RASAL2: variants seen among roughly 807,000 people sequenced by gnomAD.
The protein encoded by RASAL2 is ras GTPase-activating protein nGAP.
A neutral mutation model predicts 128.9 loss-of-function variants in RASAL2; 58 were observed. The observed-to-expected ratio is 0.45, with a 90% confidence interval of 0.36 to 0.56. The LOEUF is 0.56. RASAL2 is among the 20% of genes least tolerant of loss of function. The probability of loss-of-function intolerance (pLI) is 0.00; values close to 1 mark genes in which losing one functional copy is unlikely to be tolerated. For synonymous variants in RASAL2, 561 were observed against 580.8 expected, an observed-to-expected ratio of 0.97 and a Z score of 0.49; for missense variants, 1,360 against 1,601.6, an observed-to-expected ratio of 0.85 and a Z score of 2.57.
intron 1 of RASAL2, among the ~76,000 whole-genome samples, chr1:178,228,234 T>C (rs1663863805): frequency 6.6e-6 from 1 of 152,198 alleles, no homozygotes; most frequent in African/African-American, 2.4e-5. Context: ...TTGTTTCTGT[T>C]ATTTAATATT....
chr1:178,215,271 G>A (rs1391365789), intron 1 of RASAL2, among the ~76,000 whole-genome samples: 1 of 152,200 alleles, frequency 6.6e-6, no homozygotes, highest in Non-Finnish European at 1.5e-5. Context: ...ATTAGCAGTG[G>A]CCATGTGTCT....
intron 1 of RASAL2, among the ~76,000 whole-genome samples, chr1:178,156,150 A>C (rs532594084): frequency 6.6e-6 from 1 of 152,320 alleles, no homozygotes; most frequent in East Asian, 1.9e-4. Flanking sequence ...AAAATGATTC[A>C]ATTTGAAGCA....
chr1:178,431,818 A>G (rs1675924041), intron 5 of RASAL2, among the ~76,000 whole-genome samples: 1 of 150,946 alleles, frequency 6.6e-6, no homozygotes, highest in South Asian at 2.1e-4. Flanking sequence ...CATCCCATTT[A>G]TGTAAATGAA....
chr1:178,457,698 A>G lies in RASAL2; in HGVS notation c.2406A>G (p.Leu802=), dbSNP rs752037278. The change falls in exon 14 of 18, where the codon CTA becomes CTG. Residue 802 remains leucine (L), a synonymous_variant. Transcript: ENST00000367649. ...TTTTCCACAGTGATTTGCATAAACT[A>G]AAATCTCCAAGCCAGGACAACACAG... is the stretch of plus-strand genomic sequence containing the variant. ...EDPTDSDLHK[L]KSPSQDNTDS... is the part of the protein sequence containing the mutation. 4 of 1,613,278 alleles carry G rather than the reference A, an allele frequency of 2.5e-6. No individual in the cohort carries two copies. Among genetic ancestry groups the G allele is most frequent in the South Asian group, 1.1e-5 (1 of 90,968 alleles).
chr1:178,333,186 T>G (rs1571875853), intron 3 of RASAL2, among the ~76,000 whole-genome samples: 2 of 151,924 alleles, frequency 1.3e-5, no homozygotes, highest in African/African-American at 2.4e-5. Context: ...CCGCCACCGC[T>G]CCCGGCTAAT....
intron 3 of RASAL2, among the ~76,000 whole-genome samples, chr1:178,388,289 T>C (rs1459042147): frequency 6.6e-6 from 1 of 152,206 alleles, no homozygotes; most frequent in Non-Finnish European, 1.5e-5. Context: ...CTGGAAGTCT[T>C]TCTGTTCAAT....
intron 3 of RASAL2, among the ~76,000 whole-genome samples, chr1:178,387,423 T>C (rs1437058656): frequency 6.6e-6 from 1 of 152,140 alleles, no homozygotes; most frequent in Non-Finnish European, 1.5e-5. Context: ...GTGCACCATG[T>C]GCAGGTTTGT....
At chr1:178,195,137 G>A (rs879512443) in intron 1 of RASAL2, among the ~76,000 whole-genome samples, 4 of 152,174 alleles carry the variant, frequency 2.6e-5, no homozygotes, top group Admixed American at 2.0e-4. Context: ...GTAAAGTGGG[G>A]CTAAGAGGTA....
At chr1:178,169,301 AC>A (rs897294600) in intron 1 of RASAL2, among the ~76,000 whole-genome samples, 1 of 152,046 alleles carries the variant, frequency 6.6e-6, no homozygotes, top group African/African-American at 2.4e-5. Flanking sequence ...ACTTAGAGAA[AC>A]CCCAGGGGAT....
At chr1:178,408,196 A>T (rs931940996) in intron 4 of RASAL2, among the ~76,000 whole-genome samples, 10 of 152,232 alleles carry the variant, frequency 6.6e-5, no homozygotes, top group Admixed American at 3.3e-4. Context: ...AAAATTGGAT[A>T]GAGTAGGATT....
chr1:178,355,752 G>T (rs529536868), intron 3 of RASAL2, among the ~76,000 whole-genome samples: 1 of 152,290 alleles, frequency 6.6e-6, no homozygotes, highest in Non-Finnish European at 1.5e-5. Context: ...CCGACAAATT[G>T]AGAAAGACAA....
chr1:178,389,903 ATTC>A (rs1301576940), intron 3 of RASAL2, among the ~76,000 whole-genome samples, 194 bp from the exon 4 acceptor site: 1 of 152,242 alleles, frequency 6.6e-6, no homozygotes, highest in African/African-American at 2.4e-5. Flanking sequence ...ACTAAAGCAG[ATTC>A]TTAACTGTGA....
chr1:178,423,278 T>C (rs1675279418), intron 5 of RASAL2, among the ~76,000 whole-genome samples: 1 of 152,154 alleles, frequency 6.6e-6, no homozygotes, highest in Admixed American at 6.5e-5. Flanking sequence ...ACATGTGCCT[T>C]TTTGTACTGG....
intron 1 of RASAL2, among the ~76,000 whole-genome samples, chr1:178,175,071 A>G (rs531237406): frequency 1.4e-4 from 22 of 152,224 alleles, no homozygotes; most frequent in Non-Finnish European, 2.4e-4. Flanking sequence ...TGAATTGACT[A>G]TTGCCTTTGG....
rs1648448155 is a variant in RASAL2 at position 178,473,302 on chromosome 1, A to C, written c.*63A>C. The stretch of plus-strand genomic sequence containing the variant: ...CCCACTCTCCTATCTCCAGACCTTT[A>C]CCTAGCCCCTCCAGGTTTACAGAAT... On this transcript the variant is annotated 3_prime_UTR_variant, in exon 18 of 18. Coordinates refer to ENST00000367649, the MANE Select transcript of RASAL2 (RefSeq NM_170692.4). 1.9e-6 allele frequency: 3 copies of C among 1,578,664 alleles called. No individual in the cohort carries two copies. The African/African-American group carries it at 4.0e-5, about 21-fold the overall frequency.
At chr1:178,320,637 C>T (rs1251963220) in intron 3 of RASAL2, among the ~76,000 whole-genome samples, 1 of 152,180 alleles carries the variant, frequency 6.6e-6, no homozygotes, top group African/African-American at 2.4e-5. Context: ...GGCAATGCCT[C>T]GCCCTGCTTT....
intron 1 of RASAL2, among the ~76,000 whole-genome samples, chr1:178,199,646 C>T (rs1662794576): frequency 6.6e-6 from 1 of 151,942 alleles, no homozygotes; most frequent in Non-Finnish European, 1.5e-5. Context: ...AATATGTGCA[C>T]ATGTGAATAT....
At chr1:178,430,134 T>C (rs1242508748) in intron 5 of RASAL2, among the ~76,000 whole-genome samples, 1 of 152,144 alleles carries the variant, frequency 6.6e-6, no homozygotes, top group Non-Finnish European at 1.5e-5. Context: ...TACACATTTG[T>C]TGGCCTGAAA....
chr1:178,342,854 G>A (rs981704963), intron 3 of RASAL2, among the ~76,000 whole-genome samples: 1 of 152,068 alleles, frequency 6.6e-6, no homozygotes, highest in African/African-American at 2.4e-5. Context: ...TGCTTATAAG[G>A]ATCGTCTGTT....
Sources: gnomAD v4.1 joint callset for allele counts (sites outside exome capture counted in the v4.1 genomes callset) on GRCh38, gnomAD v4.1.1 for gene constraint, MANE v1.5 for transcripts, NCBI Gene and HGNC (gene_info 2026-07-23, HGNC 2026-07-21) for gene names.